The following GLI2 variants were observed in gnomAD, a reference collection of about 807,000 sequenced individuals.
GLI2 encodes the protein transcription activator GLI2.
In GLI2, 22 loss-of-function variants were observed where a neutral mutation model predicts 78.9. The observed-to-expected ratio is 0.28, with a 90% CI of 0.20 to 0.40. The LOEUF (loss-of-function observed/expected upper bound fraction) is 0.40. Among genes scored for constraint, GLI2 ranks in the 10% least tolerant of loss-of-function variants. The pLI is 1.00. For synonymous variants in GLI2, 974 were observed against 963.7 expected, an observed-to-expected ratio of 1.01 and a Z score of -0.20; for missense variants, 2,097 against 2,213.2, an observed-to-expected ratio of 0.95 and a Z score of 1.05.
At chr2:120,863,942 G>A (rs1221253584) in intron 2 of GLI2, among the ~76,000 whole-genome samples, 1 of 152,202 alleles carries the variant, frequency 6.6e-6, no homozygotes, top group African/African-American at 2.4e-5. Flanking sequence ...TGTGTCTGCG[G>A]GCATATTAGG....
chr2:120,907,325 A>G (rs2104801309), intron 2 of GLI2, among the ~76,000 whole-genome samples: 1 of 152,232 alleles, frequency 6.6e-6, no homozygotes, highest in Non-Finnish European at 1.5e-5. Context: ...TCTTTAGAGC[A>G]GAGGCTGGGC....
rs1681992477 is a variant in GLI2, at chr2:120,968,851, A to T, written c.781A>T (p.Asn261Tyr). The T allele has an allele frequency of 2.5e-6, 4 of 1,613,646 alleles. No homozygotes were observed. The highest frequency in any genetic ancestry group is 3.4e-6 in the Non-Finnish European group (4 of 1,179,988). The change falls in exon 6 of 14, where the codon AAC becomes TAC. Residue 261 changes from asparagine to tyrosine, a missense_variant. Transcript: ENST00000361492. Reference sequence around the variant, plus strand: ...ACCCAACTCGCTAGTGGCCTACATCAACAACTCCCGAAGCAGCTCGGCGGC... The same window carrying T: ...ACCCAACTCGCTAGTGGCCTACATCTACAACTCCCGAAGCAGCTCGGCGGC... ...TSPNSLVAYI[N>Y]NSRSSSAASG...
intron 1 of GLI2, among the ~76,000 whole-genome samples, chr2:120,763,310 T>TTGAA (rs1158956500): frequency 1.3e-5 from 2 of 152,162 alleles, no homozygotes; most frequent in African/African-American, 4.8e-5. Context: ...GAATAAACGA[T>TTGAA]TGAATGAATG....
intron 2 of GLI2, among the ~76,000 whole-genome samples, chr2:120,917,104 C>T (rs1679140402): frequency 6.6e-6 from 1 of 152,204 alleles, no homozygotes; most frequent in Non-Finnish European, 1.5e-5. Context: ...AAGCTGACAT[C>T]CAGCATCATT....
chr2:120,967,131 T>C (rs944322854), intron 5 of GLI2, among the ~76,000 whole-genome samples: 8 of 152,118 alleles, frequency 5.3e-5, no homozygotes, highest in Admixed American at 4.6e-4. Flanking sequence ...CCCAGCATCA[T>C]TTATGGGCAA....
intron 2 of GLI2, among the ~76,000 whole-genome samples, chr2:120,833,900 A>T (rs11122824): frequency 0.74 from 112,925 of 152,102 alleles, 42,462 homozygotes; most frequent in South Asian, 0.86. Context: ...ATCTTAGTGC[A>T]GTTCTTAAAC....
chr2:120,919,893 T>G (rs1184370632), intron 2 of GLI2, among the ~76,000 whole-genome samples: 5 of 152,188 alleles, frequency 3.3e-5, no homozygotes, highest in African/African-American at 1.2e-4. Flanking sequence ...GCCATGCCAC[T>G]GCCTTCCTTC....
rs78082510 is a variant in GLI2, at chr2:120,754,173, C to T, written c.-31+17888C>T. Among the ~76,000 whole-genome samples, 1,136 of 152,218 alleles carry T rather than the reference C, an allele frequency of 7.5e-3. 8 individuals are homozygous for T. The highest frequency in any genetic ancestry group is 0.026 in the African/African-American group (1,062 of 41,506). Reference sequence around the variant, plus strand: ...ACTTTAGACAGATATTGGTAAATCACTTTCCATAGAAGTTTACACTCCCAC... The same window carrying T: ...ACTTTAGACAGATATTGGTAAATCATTTTCCATAGAAGTTTACACTCCCAC... On this transcript the variant is annotated intron_variant, in intron 1 of 13. Transcript: ENST00000361492.
At chr2:120,860,300 C>G (rs1343263319) in intron 2 of GLI2, among the ~76,000 whole-genome samples, 1 of 152,196 alleles carries the variant, frequency 6.6e-6, no homozygotes, top group South Asian at 2.1e-4. Context: ...GTTCCAGTAC[C>G]CCCAAGGAGC....
At chr2:120,817,342 C>A (rs1356404493) in intron 2 of GLI2, among the ~76,000 whole-genome samples, 1 of 152,222 alleles carries the variant, frequency 6.6e-6, no homozygotes, top group Non-Finnish European at 1.5e-5. Flanking sequence ...TCTGGCTGCG[C>A]TTGTGCCCTG....
At chr2:120,773,931 T>TTCCC (rs1283984030) in intron 1 of GLI2, among the ~76,000 whole-genome samples, 1,353 of 70,604 alleles carry the variant, frequency 0.019, 60 homozygotes, top group African/African-American at 0.08. Flanking sequence ...CCTTCCTTCC[T>TTCCC]TCCCTCCCTC....
chr2:120,888,224 T>A (rs1677508744), intron 2 of GLI2, among the ~76,000 whole-genome samples: 1 of 152,174 alleles, frequency 6.6e-6, no homozygotes, highest in Non-Finnish European at 1.5e-5. Context: ...AGGGCAGCTG[T>A]TTCTCTGGGG....
intron 2 of GLI2, among the ~76,000 whole-genome samples, chr2:120,923,624 C>T (rs575693189): frequency 6.6e-6 from 1 of 152,152 alleles, no homozygotes; most frequent in Admixed American, 6.5e-5. Context: ...ACACACACAC[C>T]ACATGCACAT....
chr2:120,988,110 C>T, intron 13 of GLI2, 98 bp from the exon 14 acceptor site: 1 of 1,048,438 alleles, frequency 9.5e-7, no homozygotes, highest in African/African-American at 1.7e-5. Flanking sequence ...GTTGCAAGCC[C>T]TCTTCTCGGG....
At chr2:120,987,155 TCA>T (rs1683017814) in intron 13 of GLI2, among the ~76,000 whole-genome samples, 1 of 152,184 alleles carries the variant, frequency 6.6e-6, no homozygotes, top group African/African-American at 2.4e-5. Context: ...GTGCTCAGTC[TCA>T]AGAGGTGTTG....
intron 2 of GLI2, among the ~76,000 whole-genome samples, chr2:120,799,908 C>T (rs60497994): frequency 0.022 from 3,369 of 152,218 alleles, 120 homozygotes; most frequent in African/African-American, 0.075. Context: ...AGGTGGTTGG[C>T]GTGGGTCCCC....
rs1036625298 is a variant in GLI2, at chr2:120,990,301, C to A, written c.4336C>A (p.Leu1446Ile). Residue 1446 changes from leucine to isoleucine, a missense_variant, in exon 14 of 14, where the codon CTC becomes ATC. By Grantham distance (5) the Leu-to-Ile change is conservative. Coordinates refer to ENST00000361492, the MANE Select transcript of GLI2 (RefSeq NM_001374353.1). ...MYEQDGGLEN[L>I]GSCQVMRSQP... is the part of the protein sequence containing the mutation. ...CGAACAGGATGGAGGCCTGGAGAAC[C>A]TCGGGAGCTGCCAGGTCATGCGGTC... 2 of 1,613,760 alleles carry A rather than the reference C, an allele frequency of 1.2e-6. No individual in the cohort carries two copies. The highest frequency in any genetic ancestry group is 1.7e-5 in the Admixed American group (1 of 60,022).
At chr2:120,756,966 A>G (rs2104639832) in intron 1 of GLI2, among the ~76,000 whole-genome samples, 1 of 152,108 alleles carries the variant, frequency 6.6e-6, no homozygotes, top group South Asian at 2.1e-4. Context: ...ATAATACCGG[A>G]TAGTTTTTGT....
intron 3 of GLI2, among the ~76,000 whole-genome samples, chr2:120,950,849 T>C (rs1176766575): frequency 6.6e-6 from 1 of 152,214 alleles, no homozygotes; most frequent in Non-Finnish European, 1.5e-5. Context: ...TATTTTCATA[T>C]TCGTTTTCAT....
Sources: gnomAD v4.1 joint callset for allele counts (sites outside exome capture counted in the v4.1 genomes callset) on GRCh38, gnomAD v4.1.1 for gene constraint, MANE v1.5 for transcripts, NCBI Gene and HGNC (gene_info 2026-07-23, HGNC 2026-07-21) for gene names.